The following PAG1 variants were observed in gnomAD, a reference collection of about 807,000 sequenced individuals.
PAG1 encodes phosphoprotein associated with glycosphingolipid-enriched microdomains 1.
In PAG1, 23 loss-of-function variants were observed where a neutral mutation model predicts 31.7. The observed-to-expected ratio is 0.73, with a 90% CI of 0.52 to 1.03. The LOEUF (loss-of-function observed/expected upper bound fraction) is 1.03, where lower values mean the gene tolerates loss of function less well. PAG1 is among the 50% of genes least tolerant of loss of function. The probability of loss-of-function intolerance (pLI) is 0.00; values close to 1 mark genes in which losing one functional copy is unlikely to be tolerated. For synonymous variants in PAG1, 214 were observed against 210.3 expected (o/e 1.02, Z -0.15); for missense variants, 473 against 540.7 (o/e 0.87, Z 1.24).
chr8:81,060,051 C>T (rs1808893188), intron 2 of PAG1, among the ~76,000 whole-genome samples: 1 of 151,612 alleles, frequency 6.6e-6, no homozygotes, highest in Non-Finnish European at 1.5e-5. Flanking sequence ...TTTTAACCCC[C>T]TGCCTCTGAA....
intron 1 of PAG1, among the ~76,000 whole-genome samples, chr8:81,089,136 A>T (rs920605737): frequency 2.0e-5 from 3 of 152,244 alleles, no homozygotes; most frequent in Non-Finnish European, 2.9e-5. Context: ...GGTCTGAGAC[A>T]AAGGACTTAA....
chr8:81,050,171 A>G lies in PAG1; in HGVS notation c.-175+19941T>C, dbSNP rs1405226852. ...TATAACTTAAACACGTTTCATTGCT[A>G]TTCCTCGATGCTCAAAACAGAATGA... On this transcript the variant is annotated intron_variant, in intron 2 of 8. Coordinates refer to ENST00000220597, the MANE Select transcript of PAG1 (RefSeq NM_018440.4). 1.3e-5 allele frequency among the ~76,000 whole-genome samples: 2 copies of G among 152,236 alleles called. 1 individual carries two copies. Among genetic ancestry groups the G allele is most frequent in the Non-Finnish European group, 2.9e-5 (2 of 68,034 alleles).
At chr8:81,074,562 G>T (rs550068863) in intron 1 of PAG1, among the ~76,000 whole-genome samples, 19 of 152,120 alleles carry the variant, frequency 1.2e-4, no homozygotes, top group African/African-American at 4.6e-4. Context: ...AGGAGAGAGT[G>T]GATTAGACAC....
chr8:81,010,295 G>A (rs189670251), intron 3 of PAG1, among the ~76,000 whole-genome samples: 56 of 152,242 alleles, frequency 3.7e-4, no homozygotes, highest in African/African-American at 1.3e-3. Context: ...CCAGAGGGTG[G>A]TATCTGAGCT....
At chr8:81,019,119 G>T (rs1808119444) in intron 3 of PAG1, among the ~76,000 whole-genome samples, 1 of 152,198 alleles carries the variant, frequency 6.6e-6, no homozygotes, top group Non-Finnish European at 1.5e-5. Context: ...TGCCCTAGAG[G>T]TCTGTGGAAC....
At chr8:81,052,440 T>C (rs1808749138) in intron 2 of PAG1, among the ~76,000 whole-genome samples, 1 of 152,218 alleles carries the variant, frequency 6.6e-6, no homozygotes, top group African/African-American at 2.4e-5. Flanking sequence ...ACTTACTTTT[T>C]TTCTTCTAAG....
chr8:81,104,488 G>A (rs762271355), intron 1 of PAG1, among the ~76,000 whole-genome samples: 15 of 151,194 alleles, frequency 9.9e-5, no homozygotes, highest in African/African-American at 1.7e-4. Flanking sequence ...TTTCCAGTTC[G>A]GCCTCCGTTT....
At chr8:80,991,685 T>C (rs1221842415) in intron 4 of PAG1, among the ~76,000 whole-genome samples, 155 bp from the exon 5 acceptor site, 1 of 152,154 alleles carries the variant, frequency 6.6e-6, no homozygotes, top group Middle Eastern at 3.2e-3. Context: ...GACAGTGATT[T>C]GATGGCCCGT....
At position 80,985,343 on chromosome 8, in the gene PAG1, C is replaced by G. The variant is rs1347352143; in HGVS notation, c.309G>C (p.Gln103His). 5.0e-6 allele frequency: 8 copies of G among 1,614,012 alleles called. No homozygotes were observed. The highest frequency in any genetic ancestry group is 6.8e-6 in the Non-Finnish European group (8 of 1,179,916). The part of the protein sequence containing the change: ...LSEDSTLTCM[Q>H]HYEEVQTSAS... ...CCGATGTCTGGACTTCCTCGTAATGCTGCATGCAGGTCAGAGTACTGTCCT... is the reference window on the plus strand; with the variant it reads ...CCGATGTCTGGACTTCCTCGTAATGGTGCATGCAGGTCAGAGTACTGTCCT... The change falls in exon 7 of 9, where the codon CAG (glutamine) becomes CAC (histidine). Residue 103 changes from glutamine (Q) to histidine (H), a missense_variant. Transcript: ENST00000220597.
chr8:81,026,685 G>C (rs1012983897), intron 3 of PAG1, among the ~76,000 whole-genome samples: 1 of 152,070 alleles, frequency 6.6e-6, no homozygotes, highest in African/African-American at 2.4e-5. Flanking sequence ...CAAGCAGGCA[G>C]GATAGGAGGC....
intron 3 of PAG1, among the ~76,000 whole-genome samples, chr8:81,005,310 A>T (rs2130622545): frequency 6.6e-6 from 1 of 152,296 alleles, no homozygotes; most frequent in East Asian, 1.9e-4. Flanking sequence ...GTATGTATGT[A>T]TGTATGTATT....
intron 1 of PAG1, among the ~76,000 whole-genome samples, chr8:81,081,178 A>G (rs1436237177): frequency 6.6e-6 from 1 of 151,954 alleles, no homozygotes; most frequent in African/African-American, 2.4e-5. Flanking sequence ...ATAAAACAGA[A>G]TCCCTTGCCT....
chr8:80,978,531 C>T (rs1807230206), intron 8 of PAG1, among the ~76,000 whole-genome samples: 1 of 152,174 alleles, frequency 6.6e-6, no homozygotes, highest in South Asian at 2.1e-4. Flanking sequence ...TGTACCTTGA[C>T]CTAGATTGTA....
In PAG1 at chr8:81,090,258, G is replaced by A. The variant is rs1809424006; in HGVS notation, c.-233-20088C>T. 2.6e-5 allele frequency among the ~76,000 whole-genome samples: 4 copies of A among 152,090 alleles called. No individual in the cohort carries two copies. In the South Asian group the frequency reaches 8.3e-4, roughly 32 times the overall value. On this transcript the variant is annotated intron_variant, in intron 1 of 8. Coordinates refer to ENST00000220597, the MANE Select transcript of PAG1 (RefSeq NM_018440.4). The stretch of plus-strand genomic sequence containing the variant: ...AGTGAGTATTCTATGTCCCTGGGGT[G>A]GACTATAAAACAAGAACACATCTAT...
rs564189678 is a variant in PAG1 at position 80,999,230 on chromosome 8, A to C, written c.-80-5923T>G. Among the ~76,000 whole-genome samples, 26 of 152,352 alleles carry C rather than the reference A, an allele frequency of 1.7e-4. No individual in the cohort carries two copies. The South Asian group carries it at 4.6e-3, about 27-fold the overall frequency. On this transcript the variant is annotated intron_variant, in intron 3 of 8. Transcript: ENST00000220597. ...ACGGATGAGTGTCTGTTGGAAACAC[A>C]TGGGGAATCACCTACCCAGATATTT...
intron 3 of PAG1, among the ~76,000 whole-genome samples, chr8:81,007,805 A>C (rs747442536): frequency 1.1e-4 from 16 of 152,306 alleles, no homozygotes; most frequent in Non-Finnish European, 2.1e-4. Flanking sequence ...CACCTCCTAG[A>C]GGCATGAGGT....
chr8:81,058,237 A>G lies in PAG1; in HGVS notation c.-175+11875T>C, dbSNP rs567314474. Among the ~76,000 whole-genome samples, 8 of 152,342 alleles carry G rather than the reference A, an allele frequency of 5.3e-5. No individual in the cohort carries two copies. The South Asian group carries it at 6.2e-4, about 12-fold the overall frequency. ...CAAAAAGGGACCTGTAGATTCTTAT[A>G]GCAGTTTTGAACAACAGCAGCACAA... On this transcript the variant is annotated intron_variant, in intron 2 of 8. Transcript: ENST00000220597.
chr8:80,983,572 T>C (rs972249077), intron 7 of PAG1, among the ~76,000 whole-genome samples: 1 of 152,232 alleles, frequency 6.6e-6, no homozygotes, highest in East Asian at 1.9e-4. Flanking sequence ...GTTGTTTATA[T>C]AAAGATGATG....
intron 5 of PAG1, among the ~76,000 whole-genome samples, chr8:80,991,081 T>G (rs1312375179): frequency 1.3e-5 from 2 of 152,092 alleles, no homozygotes; most frequent in African/African-American, 4.8e-5. Context: ...ACACCCAAAG[T>G]TTGGCTGCAA....
Sources: allele counts gnomAD v4.1 joint callset (sites outside exome capture counted in the v4.1 genomes callset), GRCh38; gene constraint gnomAD v4.1.1; transcripts MANE v1.5; gene names NCBI Gene and HGNC (gene_info 2026-07-23, HGNC 2026-07-21).